The following ITGAV variants were observed in gnomAD, a reference collection of about 807,000 sequenced individuals.
ITGAV encodes integrin alpha-V.
ITGAV carries 76 observed loss-of-function variants against 143.8 expected under a neutral mutation model. That is an observed-to-expected ratio of 0.53 (90% CI 0.44 to 0.64). ITGAV has a LOEUF of 0.64. Ranked by LOEUF, ITGAV falls within the 30% of genes least tolerant of loss-of-function variation. The pLI, the probability that ITGAV is intolerant of heterozygous loss-of-function variation, is 0.00. For missense variants in ITGAV, 1,193 were observed against 1,274.7 expected, an observed-to-expected ratio of 0.94 and a Z score of 0.98; for synonymous variants, 453 against 446.7, an observed-to-expected ratio of 1.01 and a Z score of -0.18.
chr2:186,632,203 T>C lies in ITGAV; in HGVS notation c.586-1126T>C, dbSNP rs552169236. Among the ~76,000 whole-genome samples, 4 of 152,234 alleles carry C rather than the reference T, an allele frequency of 2.6e-5. No homozygotes were observed. The East Asian group carries it at 7.7e-4, about 29-fold the overall frequency. On this transcript the variant is annotated intron_variant, in intron 5 of 29. Coordinates refer to ENST00000261023, the MANE Select transcript of ITGAV (RefSeq NM_002210.5). ...GTAAGCCAAAGAGAGATAAAGTATATTAATAAATGTTAGGTTTAAACTTGT... is the reference window on the plus strand; with the variant it reads ...GTAAGCCAAAGAGAGATAAAGTATACTAATAAATGTTAGGTTTAAACTTGT...
chr2:186,647,008 A>C, intron 13 of ITGAV, 131 bp downstream of exon 13: 1 of 645,920 alleles, frequency 1.5e-6, no homozygotes, highest in Non-Finnish European at 2.5e-6. Context: ...AACCTCTAAA[A>C]TATTCAAGGC....
chr2:186,666,778 C>A lies in ITGAV; in HGVS notation c.2241C>A (p.Ile747=). ...CTTCTGTGAAATTTGACTTACAAATCCAAAGGTATGAAAACAACTTATATT... is the reference window on the plus strand; with the variant it reads ...CTTCTGTGAAATTTGACTTACAAATACAAAGGTATGAAAACAACTTATATT... ...MDTSVKFDLQ[I]QSSNLFDKVS... Residue 747 remains isoleucine, a synonymous_variant, in exon 22 of 30, where the codon ATC becomes ATA. Coordinates refer to ENST00000261023, the MANE Select transcript of ITGAV (RefSeq NM_002210.5). The A allele has an allele frequency of 6.4e-7, 1 of 1,561,572 alleles. No homozygotes were observed. The highest frequency in any genetic ancestry group is 8.7e-7 in the Non-Finnish European group (1 of 1,151,906).
rs1330866814 is a variant in ITGAV at position 186,625,594 on chromosome 2, A to G, written c.523+7A>G. The stretch of plus-strand genomic sequence containing the variant: ...TATGCTCCATGTAGATCACGTATGT[A>G]TAGGATATTGTACCAGCTTTTAAGA... On this transcript the variant is annotated splice_region_variant and intron_variant, in intron 4 of 29. Coordinates refer to ENST00000261023, the MANE Select transcript of ITGAV (RefSeq NM_002210.5). 5 of 1,590,230 alleles carry G rather than the reference A, an allele frequency of 3.1e-6. No individual in the cohort carries two copies. The East Asian group carries it at 9.0e-5, about 29-fold the overall frequency.
chr2:186,623,908 C>T (rs1370153358), intron 3 of ITGAV, among the ~76,000 whole-genome samples: 1 of 152,104 alleles, frequency 6.6e-6, no homozygotes, highest in East Asian at 1.9e-4. Flanking sequence ...CTCTTCTCAT[C>T]CTGCTGCTGC....
chr2:186,590,418 T>C lies in ITGAV; in HGVS notation c.80T>C (p.Leu27Pro), dbSNP rs1415851451. The C allele has an allele frequency of 5.0e-6, 8 of 1,613,042 alleles. No individual in the cohort carries two copies. Among genetic ancestry groups the C allele is most frequent in the Non-Finnish European group, 6.8e-6 (8 of 1,179,830 alleles). The change falls in exon 1 of 30, where the codon CTG becomes CCG. Residue 27 changes from leucine (L) to proline (P), a missense_variant. Leu to Pro is a moderately conservative substitution (Grantham distance 98). Coordinates refer to ENST00000261023, the MANE Select transcript of ITGAV (RefSeq NM_002210.5). ...PLLLSGLLLPLCRAFNLDVDS... is the reference protein window; with the variant it reads ...PLLLSGLLLPPCRAFNLDVDS... ...CTTCTCTCGGGACTCCTGCTACCTCTGTGCCGCGCCTTCAACCTAGACGTG... is the reference window on the plus strand; with the variant it reads ...CTTCTCTCGGGACTCCTGCTACCTCCGTGCCGCGCCTTCAACCTAGACGTG...
intron 1 of ITGAV, 103 bp from the exon 2 acceptor site, chr2:186,601,917 AT>A (rs1374042946): frequency 1.6e-6 from 2 of 1,215,828 alleles, no homozygotes; most frequent in Non-Finnish European, 2.2e-6. Flanking sequence ...GTTTTAAAAA[AT>A]ATTTATAGAT....
rs1298629957 is a variant in ITGAV at position 186,654,637 on chromosome 2, T to A, written c.1506-13T>A. 1.4e-6 allele frequency: 2 copies of A among 1,421,256 alleles called. No individual in the cohort carries two copies. Among genetic ancestry groups the A allele is most frequent in the Non-Finnish European group, 2.0e-6 (2 of 1,020,304 alleles). The allele number at this position is 1,421,256 out of a possible 1,614,324, so 88.0% of individuals were successfully genotyped here. On this transcript the variant is annotated splice_polypyrimidine_tract_variant and intron_variant, in intron 15 of 29. Transcript: ENST00000261023. ...AATTATAGAATTTATGTATGTTTTT[T>A]ATTTTTCCACAGTTTTAATGTTAGG...
intron 2 of ITGAV, among the ~76,000 whole-genome samples, chr2:186,610,174 A>G (rs1425598621): frequency 6.6e-6 from 1 of 152,204 alleles, no homozygotes; most frequent in African/African-American, 2.4e-5. Context: ...TCAAAATATT[A>G]TAGACACGAC....
rs1689246114 is a variant in ITGAV at position 186,677,428 on chromosome 2, A to C, written c.*136A>C. 6 of 632,854 alleles carry C rather than the reference A, an allele frequency of 9.5e-6. No homozygotes were observed. The highest frequency in any genetic ancestry group is 1.7e-5 in the Non-Finnish European group (6 of 355,124). 39.2% of individuals were successfully genotyped at this position (632,854 alleles called of 1,614,324 possible). On this transcript the variant is annotated 3_prime_UTR_variant, in exon 30 of 30. Transcript: ENST00000261023. ...GCTAATTGGCATTAACCACAAAATG[A>C]GAATTATATTTGTCAACCTTCTCCT...
At chr2:186,602,350 CG>C (rs2105655844) in intron 2 of ITGAV, among the ~76,000 whole-genome samples, 199 bp downstream of exon 2, 2 of 152,208 alleles carry the variant, frequency 1.3e-5, no homozygotes, top group South Asian at 4.1e-4. Flanking sequence ...ATTAAAAGTA[CG>C]TTGTGTTTCC....
rs754948591 is a variant in ITGAV, at chr2:186,676,895, G to C, written c.3011G>C (p.Gly1004Ala). The change falls in exon 29 of 30, where the codon GGA becomes GCA. Residue 1004 changes from glycine to alanine, a missense_variant. Gly to Ala is a moderately conservative substitution (Grantham distance 60, BLOSUM62 0). Transcript: ENST00000261023. ...VWVIILAVLA[G>A]LLLLAVLVFV... ...GTGATCATTTTAGCAGTTCTAGCAG[G>C]ATTGTTGCTACTGGCTGTTTTGGTA... 1 of 1,614,010 alleles carries C rather than the reference G, an allele frequency of 6.2e-7. No individual in the cohort carries two copies. The highest frequency in any genetic ancestry group is 1.7e-5 in the Admixed American group (1 of 59,990).
intron 12 of ITGAV, among the ~76,000 whole-genome samples, chr2:186,645,077 T>C (rs950524040): frequency 2.0e-5 from 3 of 152,192 alleles, no homozygotes; most frequent in Non-Finnish European, 4.4e-5. Context: ...TTATGTTCTA[T>C]AGCTTACTTA....
intron 14 of ITGAV, 22 bp from the exon 15 acceptor site, chr2:186,651,960 C>T (rs201300193): frequency 6.4e-5 from 91 of 1,429,550 alleles, no homozygotes; most frequent in Non-Finnish European, 8.4e-5. Context: ...TTTACTTCAT[C>T]TTCTTTTCCC....
At chr2:186,639,797 G>A (rs1018632241) in intron 10 of ITGAV, among the ~76,000 whole-genome samples, 3 of 152,164 alleles carry the variant, frequency 2.0e-5, no homozygotes, top group Non-Finnish European at 4.4e-5. Context: ...CATAGTGCCC[G>A]GGACAAAGTG....
At position 186,671,698 on chromosome 2, in the gene ITGAV, T is replaced by C. The variant is rs538833428; in HGVS notation, c.2706+1884T>C. Among the ~76,000 whole-genome samples, 9 of 152,258 alleles carry C rather than the reference T, an allele frequency of 5.9e-5. No homozygotes were observed. The South Asian group carries it at 8.3e-4, about 14-fold the overall frequency. On this transcript the variant is annotated intron_variant, in intron 26 of 29. Transcript: ENST00000261023. ...GTGTTTTTTAGTATAATTACAACATTGAACCACCATTACCACTATAATTGT... is the reference window on the plus strand; with the variant it reads ...GTGTTTTTTAGTATAATTACAACATCGAACCACCATTACCACTATAATTGT...
intron 2 of ITGAV, among the ~76,000 whole-genome samples, chr2:186,605,281 G>A (rs924691536): frequency 1.3e-5 from 2 of 152,134 alleles, no homozygotes; most frequent in Admixed American, 1.3e-4. Flanking sequence ...TTGATTCTCT[G>A]TGCTGTGCCT....
intron 10 of ITGAV, among the ~76,000 whole-genome samples, 166 bp downstream of exon 10, chr2:186,638,631 CGTGT>C (rs34535817): frequency 0.029 from 4,173 of 144,628 alleles, 88 homozygotes; most frequent in African/African-American, 0.054. Context: ...CTCTTTTGAG[CGTGT>C]GTGTGTGTGT....
chr2:186,607,182 T>G (rs2105663269), intron 2 of ITGAV, among the ~76,000 whole-genome samples: 1 of 152,236 alleles, frequency 6.6e-6, no homozygotes, highest in Non-Finnish European at 1.5e-5. Flanking sequence ...GTTAGTTTAT[T>G]TACTTTATTG....
In ITGAV at chr2:186,637,700, G is replaced by A. The variant is rs1483524893; in HGVS notation, c.803-577G>A. On this transcript the variant is annotated intron_variant, in intron 8 of 29. Coordinates refer to ENST00000261023, the MANE Select transcript of ITGAV (RefSeq NM_002210.5). ...TTCTTTTTAGCCCCCAACACTGTTA[G>A]TGATTTCCTTAGCATTTTCCTCCTT... is the stretch of plus-strand genomic sequence containing the variant. 4.6e-5 allele frequency among the ~76,000 whole-genome samples: 7 copies of A among 152,264 alleles called. No individual in the cohort carries two copies. In the East Asian group the frequency reaches 1.4e-3, roughly 29 times the overall value.
Sources: allele counts gnomAD v4.1 joint callset (sites outside exome capture counted in the v4.1 genomes callset), GRCh38; gene constraint gnomAD v4.1.1; transcripts MANE v1.5; gene names NCBI Gene and HGNC (gene_info 2026-07-23, HGNC 2026-07-21).